Variants in FLT1 observed in about 807,000 individuals in gnomAD.
The protein encoded by FLT1 is fms related receptor tyrosine kinase 1, also known as vascular endothelial growth factor receptor 1.
A neutral mutation model predicts 156.3 loss-of-function variants in FLT1; 49 were observed. That is an observed-to-expected ratio of 0.31 (90% CI 0.25 to 0.40). The LOEUF (loss-of-function observed/expected upper bound fraction) is 0.40. Ranked by LOEUF, FLT1 falls within the 10% of genes least tolerant of loss-of-function variation. The pLI is 1.00. For synonymous variants in FLT1, 594 were observed against 583.8 expected (o/e 1.02, Z -0.25); for missense variants, 1,322 against 1,637.2 (o/e 0.81, Z 3.32).
intron 3 of FLT1, among the ~76,000 whole-genome samples, chr13:28,453,382 C>T (rs995370290): frequency 6.6e-6 from 1 of 152,062 alleles, no homozygotes; most frequent in Non-Finnish European, 1.5e-5. Flanking sequence ...CTCGGCCTCC[C>T]CAAGTGTTGG....
chr13:28,425,864 T>C (rs564084256), intron 10 of FLT1, among the ~76,000 whole-genome samples: 1 of 152,328 alleles, frequency 6.6e-6, no homozygotes, highest in African/African-American at 2.4e-5. Context: ...GTCTTATGTG[T>C]TAAACATTCA....
At chr13:28,406,129 G>A (rs553261584) in intron 10 of FLT1, among the ~76,000 whole-genome samples, 26 of 151,494 alleles carry the variant, frequency 1.7e-4, no homozygotes, top group Admixed American at 5.9e-4. Context: ...CATCCTTTTC[G>A]TTGTAAATGT....
intron 1 of FLT1, among the ~76,000 whole-genome samples, chr13:28,473,827 A>AAGGAAGGAAGG (rs1566050937): frequency 2.6e-5 from 3 of 115,584 alleles, no homozygotes; most frequent in Admixed American, 9.4e-5. Context: ...AGAAAGAAAG[A>AAGGAAGGAAGG]AAGAAAGAAA....
chr13:28,373,238 T>C (rs1441673707), intron 14 of FLT1, among the ~76,000 whole-genome samples: 2 of 152,224 alleles, frequency 1.3e-5, no homozygotes. Context: ...TCAGTGATGC[T>C]CAGTTTAATT....
chr13:28,465,442 A>G (rs1185468142), intron 3 of FLT1, among the ~76,000 whole-genome samples: 2 of 152,210 alleles, frequency 1.3e-5, no homozygotes, highest in Non-Finnish European at 2.9e-5. Context: ...GTTACTGTCA[A>G]TAACAGGCAA....
intron 24 of FLT1, among the ~76,000 whole-genome samples, chr13:28,318,787 A>G (rs762605831): frequency 4.6e-5 from 7 of 152,212 alleles, no homozygotes; most frequent in Non-Finnish European, 7.3e-5. Flanking sequence ...TCAGATCATC[A>G]CTGTGTGTCT....
At chr13:28,461,110 C>T (rs1879550914) in intron 3 of FLT1, among the ~76,000 whole-genome samples, 2 of 151,240 alleles carry the variant, frequency 1.3e-5, no homozygotes, top group South Asian at 4.2e-4. Flanking sequence ...ATAGCTGAGA[C>T]TACAGGTGGA....
chr13:28,422,930 C>T (rs556111313), intron 10 of FLT1, among the ~76,000 whole-genome samples: 1 of 152,242 alleles, frequency 6.6e-6, no homozygotes, highest in South Asian at 2.1e-4. Context: ...CCCTCCAGTC[C>T]TGTATTATTA....
In FLT1 at chr13:28,306,595, A is replaced by T. The variant is rs1170801614; in HGVS notation, c.3815+83T>A. The T allele has an allele frequency of 1.0e-5, 10 of 961,106 alleles. No individual in the cohort carries two copies. The East Asian group carries it at 1.9e-4, about 18-fold the overall frequency. 59.5% of individuals were successfully genotyped at this position (961,106 alleles called of 1,614,324 possible). A position where few individuals can be genotyped will look rare whatever the true frequency, so the allele number is the denominator to read the frequency against. ...TCAGGAGGGCAAGTAGTCCTCAAAC[A>T]TCCCTCATTATACCACCTTCCCCCA... On this transcript the variant is annotated intron_variant, in intron 29 of 29. Coordinates refer to ENST00000282397, the MANE Select transcript of FLT1 (RefSeq NM_002019.4).
chr13:28,329,653 T>G lies in FLT1; in HGVS notation c.2669A>C (p.Asn890Thr). The G allele has an allele frequency of 6.2e-7, 1 of 1,614,212 alleles. No individual in the cohort carries two copies. Among genetic ancestry groups the G allele is most frequent in the Non-Finnish European group, 8.5e-7 (1 of 1,180,008 alleles). Residue 890 changes from asparagine (N) to threonine (T), a missense_variant, in exon 19 of 30, where the codon AAC becomes ACC. Transcript: ENST00000282397. ...GCAGGCTCCCAGCAGGTTAACCACG[T>G]TCAGATGGTGGCCAATGTGGGTCAA... ...KILTHIGHHLNVVNLLGACTK... is the reference protein window; with the variant it reads ...KILTHIGHHLTVVNLLGACTK...
At position 28,404,192 on chromosome 13, in the gene FLT1, A is replaced by G. The variant is rs1468762412; in HGVS notation, c.1551+1588T>C. On this transcript the variant is annotated intron_variant, in intron 11 of 29. Coordinates refer to ENST00000282397, the MANE Select transcript of FLT1 (RefSeq NM_002019.4). ...AGTACTGCTTATTTCTGTCAGAGAAAAAGAGTTGTAAACCACCTACAGCTA... is the reference window on the plus strand; with the variant it reads ...AGTACTGCTTATTTCTGTCAGAGAAGAAGAGTTGTAAACCACCTACAGCTA... Among the ~76,000 whole-genome samples the G allele has an allele frequency of 6.6e-5, 10 of 152,232 alleles. No homozygotes were observed. The East Asian group carries it at 1.7e-3, about 26-fold the overall frequency.
At chr13:28,437,967 A>G (rs890879655) in intron 4 of FLT1, among the ~76,000 whole-genome samples, 4 of 152,224 alleles carry the variant, frequency 2.6e-5, no homozygotes, top group Non-Finnish European at 5.9e-5. Context: ...GCAATACATA[A>G]CATTTTTCAC....
At chr13:28,406,735 C>A (rs1875826055) in intron 10 of FLT1, among the ~76,000 whole-genome samples, 1 of 152,010 alleles carries the variant, frequency 6.6e-6, no homozygotes, top group African/African-American at 2.4e-5. Context: ...AGCCTCGAAC[C>A]TCTGGGTTCA....
At chr13:28,493,174 C>T (rs192396354) in intron 1 of FLT1, among the ~76,000 whole-genome samples, 64 of 152,084 alleles carry the variant, frequency 4.2e-4, no homozygotes, top group South Asian at 1.0e-3. Flanking sequence ...CTTTTCCCTC[C>T]GTAATTTTAG....
At chr13:28,483,963 T>C (rs1880998178) in intron 1 of FLT1, among the ~76,000 whole-genome samples, 1 of 152,232 alleles carries the variant, frequency 6.6e-6, no homozygotes, top group Admixed American at 6.5e-5. Flanking sequence ...GGTTTGAATC[T>C]TGGCTTGGCT....
Position 28,322,236 on chromosome 13 carries a change from G to A in FLT1, c.3051+26C>T, listed in dbSNP as rs779673172. ...GTGTGTGTCCAGCCCTGGCAGAGAAGAAAAACAGTAAACAGCAAGACTGAC... is the reference window on the plus strand; with the variant it reads ...GTGTGTGTCCAGCCCTGGCAGAGAAAAAAAACAGTAAACAGCAAGACTGAC... On this transcript the variant is annotated intron_variant, in intron 22 of 29. Coordinates refer to ENST00000282397, the MANE Select transcript of FLT1 (RefSeq NM_002019.4). The surrounding 1 kb of genome is among the most constrained non-coding windows in gnomAD (Gnocchi z 4.3). 7.1e-7 allele frequency: 1 copy of A among 1,416,690 alleles called. No homozygotes were observed. Among genetic ancestry groups the A allele is most frequent in the Non-Finnish European group, 1.0e-6 (1 of 999,834 alleles). 87.8% of individuals were successfully genotyped at this position (1,416,690 alleles called of 1,614,324 possible).
intron 14 of FLT1, among the ~76,000 whole-genome samples, chr13:28,359,232 A>G (rs1277018119): frequency 6.6e-6 from 1 of 152,218 alleles, no homozygotes; most frequent in Non-Finnish European, 1.5e-5. Flanking sequence ...AAATCAACCC[A>G]AACATCTATG....
At chr13:28,393,835 T>C (rs1005659114) in intron 12 of FLT1, among the ~76,000 whole-genome samples, 1 of 152,070 alleles carries the variant, frequency 6.6e-6, no homozygotes, top group South Asian at 2.1e-4. Flanking sequence ...AATCTTCCCA[T>C]CTCAGCCTCC....
chr13:28,404,033 C>T (rs1875627219), intron 11 of FLT1, among the ~76,000 whole-genome samples: 2 of 115,516 alleles, frequency 1.7e-5, no homozygotes, highest in South Asian at 6.5e-4. Flanking sequence ...CAGAGTGAGA[C>T]TCTTTGTCTC....
Sources: allele counts gnomAD v4.1 joint callset (sites outside exome capture counted in the v4.1 genomes callset), GRCh38; gene constraint gnomAD v4.1.1; non-coding constraint Gnocchi (gnomAD v3.1); transcripts MANE v1.5; gene names NCBI Gene and HGNC (gene_info 2026-07-23, HGNC 2026-07-21).